Variants in COL15A1 observed in about 807,000 individuals in gnomAD.
COL15A1 encodes the protein collagen type XV alpha 1 chain, also known as collagen alpha-1(XV) chain.
COL15A1 carries 111 observed loss-of-function variants against 165.9 expected under a neutral mutation model. The observed-to-expected ratio is 0.67, with a 90% CI of 0.57 to 0.78. The LOEUF (loss-of-function observed/expected upper bound fraction) is 0.78. COL15A1 is among the 30% of genes least tolerant of loss of function. The pLI, the probability that COL15A1 is intolerant of heterozygous loss-of-function variation, is 0.00. For synonymous variants in COL15A1, 659 were observed against 674.8 expected (o/e 0.98, Z 0.36); for missense variants, 1,745 against 1,789.7 (o/e 0.98, Z 0.45).
intron 6 of COL15A1, among the ~76,000 whole-genome samples, chr9:98,999,074 T>A (rs1233142860): frequency 6.6e-6 from 1 of 152,018 alleles, no homozygotes; most frequent in South Asian, 2.1e-4. Context: ...AAGACGAGAG[T>A]GCTCGACCCG....
chr9:99,021,356 G>C (rs55810239), intron 12 of COL15A1, among the ~76,000 whole-genome samples: 61,367 of 151,646 alleles, frequency 0.4, 13,431 homozygotes, highest in East Asian at 0.69. Context: ...ACTTCAGATG[G>C]AGCAGGGCTC....
rs373720833 is a variant in COL15A1 at position 98,949,122 on chromosome 9, C to T, written c.100+4872C>T. Reference sequence around the variant, plus strand: ...CAAAATTCTGAAGTTCTGTTTTACTCGATTTTGAACTTTTTAAATGCAGAA... The same window carrying T: ...CAAAATTCTGAAGTTCTGTTTTACTTGATTTTGAACTTTTTAAATGCAGAA... On this transcript the variant is annotated intron_variant, in intron 2 of 41. Coordinates refer to ENST00000375001, the MANE Select transcript of COL15A1 (RefSeq NM_001855.5). 1.4e-4 allele frequency among the ~76,000 whole-genome samples: 21 copies of T among 152,194 alleles called. No homozygotes were observed. In the East Asian group the frequency reaches 3.5e-3, roughly 25 times the overall value.
chr9:99,030,348 A>G (rs1839198145), intron 16 of COL15A1, among the ~76,000 whole-genome samples: 1 of 152,248 alleles, frequency 6.6e-6, no homozygotes, highest in Admixed American at 6.5e-5. Context: ...TCTCTCACTA[A>G]GAAATAATGT....
chr9:99,060,234 TTATATATA>T (rs1203751452), intron 36 of COL15A1, among the ~76,000 whole-genome samples: 2 of 84,856 alleles, frequency 2.4e-5, no homozygotes, highest in Non-Finnish European at 4.6e-5. Flanking sequence ...TTATATATTT[TTATATATA>T]TATATATATA....
At chr9:99,013,078 G>C (rs1838872163) in intron 9 of COL15A1, among the ~76,000 whole-genome samples, 1 of 152,092 alleles carries the variant, frequency 6.6e-6, no homozygotes, top group African/African-American at 2.4e-5. Context: ...GTCAAAGTGT[G>C]CTGGTTGCGG....
At chr9:99,059,241 G>A (rs933794186) in intron 35 of COL15A1, among the ~76,000 whole-genome samples, 2 of 152,192 alleles carry the variant, frequency 1.3e-5, no homozygotes, top group Non-Finnish European at 2.9e-5. Flanking sequence ...GCTCCTGGCC[G>A]GATGAATGCT....
Position 98,986,113 on chromosome 9 carries a change from G to GTC in COL15A1, c.648+2_648+3insCT. The GTC allele has an allele frequency of 6.2e-7, 1 of 1,610,068 alleles. No individual in the cohort carries two copies. Among genetic ancestry groups the GTC allele is most frequent in the Non-Finnish European group, 8.5e-7 (1 of 1,177,340 alleles). On this transcript the variant is annotated splice_donor_variant, in intron 3 of 41. Transcript: ENST00000375001. LOFTEE classifies it high-confidence loss of function. ...AGCTACAGGGCTCGAGAGATTCACT[G>GTC]TGAGTTAAAGTCCCACTCCAGGTAG... is the stretch of plus-strand genomic sequence containing the variant.
At chr9:98,998,506 A>G (rs1291516657) in intron 6 of COL15A1, among the ~76,000 whole-genome samples, 1 of 152,102 alleles carries the variant, frequency 6.6e-6, no homozygotes, top group African/African-American at 2.4e-5. Flanking sequence ...CTAGCCCCCT[A>G]TTTGCTGTCG....
chr9:99,035,232 G>C (rs1839280509), intron 18 of COL15A1, 78 bp downstream of exon 18: 2 of 1,582,336 alleles, frequency 1.3e-6, no homozygotes, highest in Non-Finnish European at 1.7e-6. Flanking sequence ...CTAAACCCTG[G>C]TCTCAGGGCA....
At chr9:99,018,737 T>C (rs563348711) in intron 11 of COL15A1, among the ~76,000 whole-genome samples, 2 of 152,338 alleles carry the variant, frequency 1.3e-5, no homozygotes, top group Admixed American at 1.3e-4. Flanking sequence ...GCTTAGCATA[T>C]AATGTTAAGT....
chr9:99,036,376 C>A lies in COL15A1; in HGVS notation c.2389C>A (p.His797Asn). The A allele has an allele frequency of 6.2e-7, 1 of 1,614,186 alleles. No individual in the cohort carries two copies. Among genetic ancestry groups the A allele is most frequent in the South Asian group, 1.1e-5 (1 of 91,080 alleles). Residue 797 changes from histidine to asparagine, a missense_variant, in exon 21 of 42, where the codon CAC becomes AAC. Physicochemically the swap from His to Asn is moderately conservative, Grantham distance 68. Transcript: ENST00000375001. ...GPPGPRGPPG[H>N]IKVLSNSLIN... ...CCCTGGGCCGAGAGGGCCACCTGGG[C>A]ACATCAAGGTCTTGTCTAATGTGAG...
At chr9:98,973,645 T>C (rs553071137) in intron 2 of COL15A1, among the ~76,000 whole-genome samples, 2 of 152,038 alleles carry the variant, frequency 1.3e-5, no homozygotes, top group Non-Finnish European at 2.9e-5. Flanking sequence ...TGGGGCTGAG[T>C]TTCCACACAG....
intron 24 of COL15A1, among the ~76,000 whole-genome samples, chr9:99,044,002 G>A (rs374157893): frequency 1.2e-4 from 18 of 152,282 alleles, no homozygotes; most frequent in Non-Finnish European, 1.8e-4. Flanking sequence ...TGGAGGCAAC[G>A]TTGCATATGG....
intron 6 of COL15A1, among the ~76,000 whole-genome samples, chr9:98,998,465 G>A (rs759764238): frequency 2.0e-4 from 30 of 152,176 alleles, no homozygotes; most frequent in Non-Finnish European, 4.0e-4. Context: ...GCCCGCTGGG[G>A]AGAGTCAGAC....
chr9:99,042,673 T>C (rs1206356552), intron 24 of COL15A1, among the ~76,000 whole-genome samples: 1 of 152,214 alleles, frequency 6.6e-6, no homozygotes, highest in Non-Finnish European at 1.5e-5. Flanking sequence ...AATGTTAATA[T>C]TTATAAATTA....
chr9:99,020,538 G>A, intron 12 of COL15A1, 96 bp downstream of exon 12: 6 of 859,886 alleles, frequency 7.0e-6, no homozygotes, highest in East Asian at 5.1e-5. Context: ...TGATCAAGGG[G>A]ATCGCAGAAG....
intron 2 of COL15A1, among the ~76,000 whole-genome samples, chr9:98,973,255 G>GGA (rs150597321): frequency 0.013 from 1,978 of 150,192 alleles, 43 homozygotes; most frequent in African/African-American, 0.045. Context: ...AGAGAGAGAG[G>GGA]GAGAGAGAGA....
rs1466496043 is a variant in COL15A1 at position 98,985,631 on chromosome 9, C to T, written c.167C>T (p.Ser56Phe). ...LIGVPLPSSVSFVTGYGGFPA... is the reference protein window; with the variant it reads ...LIGVPLPSSVFFVTGYGGFPA... ...GGTGTCCCGCTGCCCTCGTCCGTAT[C>T]CTTTGTCACAGGCTATGGTGGCTTC... Residue 56 changes from serine (S) to phenylalanine (F), a missense_variant, in exon 3 of 42, where the codon TCC (serine) becomes TTC (phenylalanine). Ser to Phe is a radical substitution (Grantham distance 155, BLOSUM62 -2). Coordinates refer to ENST00000375001, the MANE Select transcript of COL15A1 (RefSeq NM_001855.5). 9 of 1,614,292 alleles carry T rather than the reference C, an allele frequency of 5.6e-6. No individual in the cohort carries two copies. Among genetic ancestry groups the T allele is most frequent in the Non-Finnish European group, 7.6e-6 (9 of 1,180,052 alleles).
intron 31 of COL15A1, among the ~76,000 whole-genome samples, chr9:99,053,307 T>C (rs1013409408): frequency 2.4e-4 from 37 of 152,378 alleles, no homozygotes; most frequent in African/African-American, 7.7e-4. Context: ...CCTGTGGTTT[T>C]TCTGTCACTT....
Sources: gnomAD v4.1 joint callset for allele counts (sites outside exome capture counted in the v4.1 genomes callset) on GRCh38, gnomAD v4.1.1 for gene constraint, MANE v1.5 for transcripts, NCBI Gene and HGNC (gene_info 2026-07-23, HGNC 2026-07-21) for gene names.